Variants in EHD3 observed in about 807,000 individuals in gnomAD.
The protein encoded by EHD3 is EH domain-containing protein 3.
A neutral mutation model predicts 43.0 loss-of-function variants in EHD3; 17 were observed. The ratio of observed to expected loss-of-function variants is 0.40; its 90% CI spans 0.27 to 0.59. The LOEUF is 0.59. Ranked by LOEUF, EHD3 falls within the 20% of genes least tolerant of loss-of-function variation. The pLI is 0.49. For missense variants in EHD3, 594 were observed against 705.6 expected (o/e 0.84, Z 1.79); for synonymous variants, 313 against 289.5 (o/e 1.08, Z -0.82).
chr2:31,253,802 C>T (rs1247356976), intron 3 of EHD3, among the ~76,000 whole-genome samples: 1 of 152,118 alleles, frequency 6.6e-6, no homozygotes, highest in Admixed American at 6.5e-5. Flanking sequence ...CAGCACTTGT[C>T]TCTGGATGCA....
intron 3 of EHD3, among the ~76,000 whole-genome samples, chr2:31,257,034 C>T (rs584518): frequency 0.76 from 115,797 of 152,164 alleles, 44,736 homozygotes; most frequent in East Asian, 0.95. Flanking sequence ...GAGCTGCAGC[C>T]CAGTCTTGGT....
chr2:31,245,553 A>ATATATATATATATATATATATTTTT (rs1446415610), intron 2 of EHD3, among the ~76,000 whole-genome samples: 1 of 35,072 alleles, frequency 2.9e-5, no homozygotes, highest in Admixed American at 4.2e-4. Flanking sequence ...ATATATATAT[A>ATATATATATATATATATATATTTTT]TTTTTTTTTT....
chr2:31,266,698 C>T lies in EHD3; in HGVS notation c.1602C>T (p.Ala534=), dbSNP rs368656515. ...HLLPPSKRKV[A]E ...TGCCCCCGTCCAAGAGGAAAGTTGC[C>T]GAGTGATGGGGTGGGGGGACATTCA... The change falls in exon 6 of 6, where the codon GCC becomes GCT. Residue 534 remains alanine (A), a synonymous_variant. Transcript: ENST00000322054. The surrounding 1 kb of genome is among the most constrained non-coding windows in gnomAD (Gnocchi z 5.1). The T allele has an allele frequency of 2.2e-5, 35 of 1,598,908 alleles. No individual in the cohort carries two copies. Among genetic ancestry groups the T allele is most frequent in the East Asian group, 9.0e-5 (4 of 44,658 alleles).
In EHD3 at chr2:31,266,960, G is replaced by C. The variant is rs644503; in HGVS notation, c.*256G>C. ...CAGAGTCTAAGCCTAAGTCTCTATC[G>C]CTCTTCCCCTCTCCTCGGCCACTCC... On this transcript the variant is annotated 3_prime_UTR_variant, in exon 6 of 6. Coordinates refer to ENST00000322054, the MANE Select transcript of EHD3 (RefSeq NM_014600.3). The surrounding 1 kb of genome is among the most constrained non-coding windows in gnomAD (Gnocchi z 5.1). The C allele has an allele frequency of 0.12, 57,615 of 480,506 alleles. 3,770 individuals are homozygous for C. The highest frequency in any genetic ancestry group is 0.15 in the South Asian group (3,937 of 26,294). The allele number at this position is 480,506 out of a possible 1,614,324, so 29.8% of individuals were successfully genotyped here.
At chr2:31,241,710 G>A (rs941542519) in intron 1 of EHD3, among the ~76,000 whole-genome samples, 8 of 152,174 alleles carry the variant, frequency 5.3e-5, no homozygotes, top group African/African-American at 1.7e-4. Context: ...GGTTCCCTGA[G>A]TTAAGTACCC....
At chr2:31,257,487 G>A (rs948804151) in intron 3 of EHD3, among the ~76,000 whole-genome samples, 2 of 152,148 alleles carry the variant, frequency 1.3e-5, no homozygotes, top group African/African-American at 4.8e-5. Context: ...GTGCAGAACG[G>A]CTGGATGGCT....
chr2:31,237,909 A>C (rs983481977), intron 1 of EHD3, among the ~76,000 whole-genome samples: 11 of 152,082 alleles, frequency 7.2e-5, no homozygotes. Flanking sequence ...TGGATGTTTT[A>C]GGCTATTTCT....
intron 3 of EHD3, among the ~76,000 whole-genome samples, chr2:31,251,024 G>C (rs1683624442): frequency 6.6e-6 from 1 of 152,232 alleles, no homozygotes; most frequent in African/African-American, 2.4e-5. Context: ...GCCCAGGCCA[G>C]CACTGCTCAC....
intron 3 of EHD3, among the ~76,000 whole-genome samples, chr2:31,250,308 C>T (rs1252604987): frequency 1.3e-5 from 2 of 148,480 alleles, no homozygotes; most frequent in Non-Finnish European, 3.0e-5. Context: ...CAGTCTGTTG[C>T]CAGGCTGGAG....
chr2:31,258,013 A>C (rs1683784983), intron 3 of EHD3, among the ~76,000 whole-genome samples: 1 of 152,196 alleles, frequency 6.6e-6, no homozygotes, highest in African/African-American at 2.4e-5. Flanking sequence ...ATTGATGGCT[A>C]AGCTCCTCGT....
In EHD3 at chr2:31,244,440, T is replaced by G; in HGVS notation, c.394T>G (p.Phe132Val). 6.2e-7 allele frequency: 1 copy of G among 1,613,918 alleles called. No individual in the cohort carries two copies. The highest frequency in any genetic ancestry group is 8.5e-7 in the Non-Finnish European group (1 of 1,179,936). The change falls in exon 2 of 6, where the codon TTC becomes GTC. Residue 132 changes from phenylalanine (F) to valine (V), a missense_variant. Physicochemically the swap from Phe to Val is conservative, Grantham distance 50. Transcript: ENST00000322054. Reference sequence around the variant, plus strand: ...GAAACTCAACGCCTTTGGCAACGCCTTCTTGAACAGGTGAGTGTGGAGGGA... The same window carrying G: ...GAAACTCAACGCCTTTGGCAACGCCGTCTTGAACAGGTGAGTGTGGAGGGA... ...FRKLNAFGNA[F>V]LNRFVCAQLP...
rs1166675818 is a variant in EHD3, at chr2:31,260,072, A to T, written c.503-438A>T. On this transcript the variant is annotated intron_variant, in intron 3 of 5. Coordinates refer to ENST00000322054, the MANE Select transcript of EHD3 (RefSeq NM_014600.3). This position sits in a 1 kb window ranked among gnomAD's most constrained non-coding sequence, Gnocchi z 4.6. ...AAAAATTAGACGGGCATGGTGGCGC[A>T]TGCCTGTAATCCCAGCTACTCGGGA... Among the ~76,000 whole-genome samples the T allele has an allele frequency of 6.6e-6, 1 of 152,064 alleles. No individual in the cohort carries two copies. Among genetic ancestry groups the T allele is most frequent in the Admixed American group, 6.6e-5 (1 of 15,256 alleles).
chr2:31,236,791 T>C (rs1683332416), intron 1 of EHD3, among the ~76,000 whole-genome samples: 2 of 152,178 alleles, frequency 1.3e-5, no homozygotes, highest in African/African-American at 4.8e-5. Flanking sequence ...CCAGTAGACA[T>C]TTTGCAGAAT....
chr2:31,244,538 G>A (rs1683483858), intron 2 of EHD3, 88 bp downstream of exon 2: 1 of 1,410,120 alleles, frequency 7.1e-7, no homozygotes, highest in Non-Finnish European at 9.6e-7. Context: ...AGGGTCTTGG[G>A]ATGCTTGGTG....
chr2:31,253,770 C>G (rs1161021106), intron 3 of EHD3, among the ~76,000 whole-genome samples: 1 of 152,150 alleles, frequency 6.6e-6, no homozygotes, highest in Non-Finnish European at 1.5e-5. Flanking sequence ...GCCCGGGAAG[C>G]TGATTCTGGG....
intron 2 of EHD3, among the ~76,000 whole-genome samples, chr2:31,245,751 T>G (rs1282378304): frequency 2.1e-5 from 3 of 144,228 alleles, no homozygotes; most frequent in Non-Finnish European, 4.6e-5. Context: ...TTTTTTTTTT[T>G]TTTTTTTTTA....
intron 3 of EHD3, among the ~76,000 whole-genome samples, chr2:31,251,068 T>C (rs946726579): frequency 2.0e-5 from 3 of 152,136 alleles, no homozygotes; most frequent in African/African-American, 7.2e-5. Context: ...CACAGCCTCA[T>C]GGTGTGACAG....
chr2:31,266,640 A>G lies in EHD3; in HGVS notation c.1544A>G (p.His515Arg). The G allele has an allele frequency of 6.2e-7, 1 of 1,613,642 alleles. No individual in the cohort carries two copies. Among genetic ancestry groups the G allele is most frequent in the Non-Finnish European group, 8.5e-7 (1 of 1,179,706 alleles). ...NHLIKVKLEG[H>R]ELPNELPAHL... ...CTCATCAAAGTCAAGCTGGAGGGGC[A>G]CGAGCTGCCCAACGAGCTGCCTGCC... Residue 515 changes from histidine to arginine, a missense_variant, in exon 6 of 6, where the codon CAC (histidine) becomes CGC (arginine). Physicochemically the swap from His to Arg is conservative, Grantham distance 29. Around this residue, in one of 3 missense-constraint regions of EHD3, gnomAD observed 322 missense variants for 348.0 expected, o/e 0.93. Coordinates refer to ENST00000322054, the MANE Select transcript of EHD3 (RefSeq NM_014600.3). The surrounding 1 kb of genome is among the most constrained non-coding windows in gnomAD (Gnocchi z 5.1).
intron 3 of EHD3, among the ~76,000 whole-genome samples, chr2:31,252,568 GA>G (rs779531013): frequency 6.6e-5 from 10 of 152,340 alleles, no homozygotes; most frequent in South Asian, 2.1e-4. Context: ...TCTGCCTCCT[GA>G]GTTCAAGCGA....
Sources: gnomAD v4.1 joint callset for allele counts (sites outside exome capture counted in the v4.1 genomes callset) on GRCh38, gnomAD v4.1.1 for gene constraint, gnomAD v4.1.1 regional missense constraint, Gnocchi (gnomAD v3.1) non-coding constraint, MANE v1.5 for transcripts, NCBI Gene and HGNC (gene_info 2026-07-23, HGNC 2026-07-21) for gene names.